Variants in EFCAB7 observed in about 807,000 individuals in gnomAD.
EFCAB7 encodes EF-hand calcium-binding domain-containing protein 7.
In EFCAB7, 66 loss-of-function variants were observed where a neutral mutation model predicts 77.1. The ratio of observed to expected loss-of-function variants is 0.86; its 90% CI spans 0.70 to 1.05. EFCAB7 has a LOEUF of 1.05. EFCAB7 is among the 50% of genes least tolerant of loss of function. The pLI is 0.00. For synonymous variants in EFCAB7, 225 were observed against 243.3 expected (o/e 0.92, Z 0.70); for missense variants, 638 against 730.5 (o/e 0.87, Z 1.46).
In EFCAB7 at chr1:63,534,238, G is replaced by A. The variant is rs113295948; in HGVS notation, c.804+22G>A. The stretch of plus-strand genomic sequence containing the variant: ...AAAGGTATAGTATTTTAAGTTAACA[G>A]ATGACTTTTTCTGAAAAAAATTTGA... On this transcript the variant is annotated intron_variant, in intron 6 of 13. Transcript: ENST00000371088. 230 of 1,601,176 alleles carry A rather than the reference G, an allele frequency of 1.4e-4. 1 individual carries two copies. The African/African-American group carries it at 2.7e-3, about 19-fold the overall frequency.
chr1:63,578,527 C>T, the EFCAB7 span, among the ~76,000 whole-genome samples: 1 of 151,832 alleles, frequency 6.6e-6, no homozygotes, highest in Non-Finnish European at 1.5e-5. Context: ...CTGCAAGCTC[C>T]GCCTCCCGGG....
Position 63,533,889 on chromosome 1 carries a change from A to G in EFCAB7, c.683-206A>G, listed in dbSNP as rs142731869. ...CTAAAATTTCAGACTGAAAGGTGACATATTGAAATAAGAATTCTTATTAGA... is the reference window on the plus strand; with the variant it reads ...CTAAAATTTCAGACTGAAAGGTGACGTATTGAAATAAGAATTCTTATTAGA... On this transcript the variant is annotated intron_variant, in intron 5 of 13. Transcript: ENST00000371088. Among the ~76,000 whole-genome samples, 108 of 152,302 alleles carry G rather than the reference A, an allele frequency of 7.1e-4. No homozygotes were observed. The East Asian group carries it at 0.017, about 24-fold the overall frequency.
intron 12 of EFCAB7, chr1:63,570,248 C>T (rs1047832981): frequency 2.6e-5 from 4 of 152,120 alleles, no homozygotes; most frequent in African/African-American, 9.7e-5. Context: ...AGGGTATGAT[C>T]GCAGATTCTT....
intron 11 of EFCAB7, 87 bp downstream of exon 11, chr1:63,561,944 T>C: frequency 1.0e-6 from 1 of 976,246 alleles, no homozygotes; most frequent in Non-Finnish European, 1.4e-6. Flanking sequence ...AACTTTCGAA[T>C]TGGGCACCCA....
chr1:63,556,906 C>T (rs1011922521), intron 9 of EFCAB7, among the ~76,000 whole-genome samples: 4 of 150,530 alleles, frequency 2.7e-5, no homozygotes, highest in African/African-American at 7.3e-5. Context: ...GGTGTGGTGG[C>T]GGGCGCCTAT....
intron 10 of EFCAB7, among the ~76,000 whole-genome samples, chr1:63,560,236 G>C (rs1386874388): frequency 6.6e-6 from 1 of 152,094 alleles, no homozygotes; most frequent in Non-Finnish European, 1.5e-5. Flanking sequence ...ACAGGCGTGA[G>C]CCACTGCGCC....
intron 11 of EFCAB7, among the ~76,000 whole-genome samples, chr1:63,565,905 A>C (rs1222651832): frequency 6.6e-6 from 1 of 152,256 alleles, no homozygotes; most frequent in Non-Finnish European, 1.5e-5. Flanking sequence ...TGTTGGTGGG[A>C]GTGTACATGA....
chr1:63,533,245 A>C (rs1472059257), intron 4 of EFCAB7, among the ~76,000 whole-genome samples: 2 of 152,210 alleles, frequency 1.3e-5, no homozygotes, highest in Non-Finnish European at 2.9e-5. Flanking sequence ...TTTCACACAG[A>C]GTATGAACTC....
the EFCAB7 span, among the ~76,000 whole-genome samples, chr1:63,583,231 T>C: frequency 6.6e-6 from 1 of 152,170 alleles, no homozygotes; most frequent in Non-Finnish European, 1.5e-5. Flanking sequence ...ATTTTATGAA[T>C]GCAGTCACAT....
intron 13 of EFCAB7, among the ~76,000 whole-genome samples, chr1:63,571,878 G>C (rs1289931274): frequency 1.3e-5 from 2 of 151,878 alleles, no homozygotes; most frequent in Non-Finnish European, 2.9e-5. Context: ...ATCCTGAGAG[G>C]GACAATGCCT....
chr1:63,541,199 T>C (rs1646824650), intron 6 of EFCAB7, among the ~76,000 whole-genome samples: 1 of 152,154 alleles, frequency 6.6e-6, no homozygotes, highest in Non-Finnish European at 1.5e-5. Context: ...TTGAGGCATA[T>C]ACAAATATAT....
chr1:63,576,915 C>T (rs1054514598), downstream of EFCAB7, among the ~76,000 whole-genome samples: 2 of 151,384 alleles, frequency 1.3e-5, no homozygotes, highest in Admixed American at 6.6e-5. Flanking sequence ...TTTGAGAGGC[C>T]GAGGCAGGCG....
chr1:63,524,268 G>A (rs1490688927), intron 1 of EFCAB7, among the ~76,000 whole-genome samples: 1 of 152,154 alleles, frequency 6.6e-6, no homozygotes, highest in Non-Finnish European at 1.5e-5. Context: ...ACATTTGTGA[G>A]GAGATGCATG....
intron 6 of EFCAB7, among the ~76,000 whole-genome samples, chr1:63,545,282 A>G (rs1206264897): frequency 6.6e-6 from 1 of 152,002 alleles, no homozygotes; most frequent in East Asian, 1.9e-4. Flanking sequence ...TTGAAATGCT[A>G]TCTATTCTTC....
Position 63,533,461 on chromosome 1 carries a change from A to G in EFCAB7, c.494A>G (p.Lys165Arg), listed in dbSNP as rs1646725290. The change falls in exon 5 of 14, where the codon AAA becomes AGA. Residue 165 changes from lysine to arginine, a missense_variant. By Grantham distance (26) the Lys-to-Arg change is conservative (BLOSUM62 2). Coordinates refer to ENST00000371088, the MANE Select transcript of EFCAB7 (RefSeq NM_032437.4). ...ACTTTTTTTTTCCTGTAGTTTTGTAAATTATATATGACAACCAACGAGCAA... is the reference window on the plus strand; with the variant it reads ...ACTTTTTTTTTCCTGTAGTTTTGTAGATTATATATGACAACCAACGAGCAA... Reference protein sequence around the residue: ...DGKFDYIKFCKLYMTTNEQCL... With the variant: ...DGKFDYIKFCRLYMTTNEQCL... The G allele has an allele frequency of 6.3e-7, 1 of 1,598,158 alleles. No individual in the cohort carries two copies. Among genetic ancestry groups the G allele is most frequent in the Non-Finnish European group, 8.5e-7 (1 of 1,175,848 alleles).
downstream of EFCAB7, among the ~76,000 whole-genome samples, chr1:63,576,915 C>A (rs1054514598): frequency 2.0e-5 from 3 of 151,500 alleles, no homozygotes; most frequent in Admixed American, 1.3e-4. Context: ...TTTGAGAGGC[C>A]GAGGCAGGCG....
At chr1:63,544,881 T>C (rs1646877457) in intron 6 of EFCAB7, among the ~76,000 whole-genome samples, 1 of 152,056 alleles carries the variant, frequency 6.6e-6, no homozygotes, top group Non-Finnish European at 1.5e-5. Flanking sequence ...GCAACATATT[T>C]ATTTATTACT....
At chr1:63,532,874 T>A in intron 4 of EFCAB7, 118 bp downstream of exon 4, 1 of 712,152 alleles carries the variant, frequency 1.4e-6, no homozygotes. Context: ...TTTTGATATA[T>A]GTATACATTG....
chr1:63,532,010 C>A lies in EFCAB7; in HGVS notation c.378C>A (p.Asp126Glu), dbSNP rs139098789. Residue 126 changes from aspartate (D) to glutamate (E), a missense_variant, in exon 3 of 14, where the codon GAC (aspartate) becomes GAA (glutamate). By Grantham distance (45) the Asp-to-Glu change is conservative. Transcript: ENST00000371088. ...VNDDGCILHT[D>E]LYKFLTKRGE... is the part of the protein sequence containing the mutation. ...ATGATGGCTGTATTTTACACACTGACCTTTATAAATTTCTAACAAAGGTAA... is the reference window on the plus strand; with the variant it reads ...ATGATGGCTGTATTTTACACACTGAACTTTATAAATTTCTAACAAAGGTAA... 8 of 1,608,714 alleles carry A rather than the reference C, an allele frequency of 5.0e-6. No individual in the cohort carries two copies. In the African/African-American group the frequency reaches 1.1e-4, roughly 22 times the overall value.
Sources: allele counts gnomAD v4.1 joint callset (sites outside exome capture counted in the v4.1 genomes callset), GRCh38; gene constraint gnomAD v4.1.1; transcripts MANE v1.5; gene names NCBI Gene and HGNC (gene_info 2026-07-23, HGNC 2026-07-21).